The following PARD3 variants were observed in gnomAD, a reference collection of about 807,000 sequenced individuals.
The protein encoded by PARD3 is partitioning defective 3 homolog.
A neutral mutation model predicts 155.4 loss-of-function variants in PARD3; 75 were observed. That is an observed-to-expected ratio of 0.48 (90% CI 0.40 to 0.58). The LOEUF (loss-of-function observed/expected upper bound fraction) is 0.58. PARD3 is among the 20% of genes least tolerant of loss of function. The pLI is 0.00. For synonymous variants in PARD3, 576 were observed against 610.5 expected, an observed-to-expected ratio of 0.94 and a Z score of 0.83; for missense variants, 1,642 against 1,721.7, an observed-to-expected ratio of 0.95 and a Z score of 0.82.
chr10:34,534,676 T>C (rs1204621667), intron 2 of PARD3, among the ~76,000 whole-genome samples: 2 of 152,066 alleles, frequency 1.3e-5, no homozygotes, highest in Admixed American at 6.5e-5. Flanking sequence ...TGCAGAACAG[T>C]AGGGACGGTG....
chr10:34,144,109 T>C (rs764393839), intron 22 of PARD3, among the ~76,000 whole-genome samples: 5 of 152,190 alleles, frequency 3.3e-5, no homozygotes, highest in South Asian at 2.1e-4. Flanking sequence ...TTTGGAGTTA[T>C]TGATAGATTT....
intron 16 of PARD3, among the ~76,000 whole-genome samples, chr10:34,338,674 G>A (rs1427559211): frequency 3.3e-5 from 5 of 152,170 alleles, no homozygotes; most frequent in African/African-American, 4.8e-5. Flanking sequence ...ATTTAGTTGC[G>A]ATTTACTGTG....
intron 22 of PARD3, among the ~76,000 whole-genome samples, chr10:34,249,970 G>A (rs980694505): frequency 6.6e-6 from 1 of 152,060 alleles, no homozygotes; most frequent in East Asian, 1.9e-4. Context: ...CTCATCTGGT[G>A]AGCATGCCAC....
At chr10:34,718,914 G>A (rs892219615) in intron 1 of PARD3, among the ~76,000 whole-genome samples, 1 of 152,022 alleles carries the variant, frequency 6.6e-6, no homozygotes, top group East Asian at 1.9e-4. Flanking sequence ...AGTGAGCCGA[G>A]ATTGAGCCAC....
intron 2 of PARD3, among the ~76,000 whole-genome samples, chr10:34,653,407 G>A (rs975417204): frequency 2.0e-5 from 3 of 151,856 alleles, no homozygotes; most frequent in Non-Finnish European, 4.4e-5. Context: ...ACAAAAACAG[G>A]TTCATCACGT....
intron 23 of PARD3, among the ~76,000 whole-genome samples, chr10:34,127,141 G>T (rs976539971): frequency 1.3e-5 from 2 of 152,010 alleles, no homozygotes; most frequent in African/African-American, 4.8e-5. Context: ...ATCTTATAAA[G>T]AAACCAAAAT....
chr10:34,688,942 G>C (rs183733013), intron 2 of PARD3, among the ~76,000 whole-genome samples: 1 of 152,266 alleles, frequency 6.6e-6, no homozygotes, highest in East Asian at 1.9e-4. Context: ...TACAGAGGCA[G>C]AGCCATTAAA....
chr10:34,388,687 AG>A (rs1842587028), intron 7 of PARD3, among the ~76,000 whole-genome samples: 1 of 152,242 alleles, frequency 6.6e-6, no homozygotes, highest in Non-Finnish European at 1.5e-5. Context: ...TTGGCACGTC[AG>A]TGTGCTGGTA....
In PARD3 at chr10:34,269,882, C is replaced by T. The variant is rs773064385; in HGVS notation, c.3194G>A (p.Arg1065Gln). 8 of 1,613,464 alleles carry T rather than the reference C, an allele frequency of 5.0e-6. No homozygotes were observed. Among genetic ancestry groups the T allele is most frequent in the East Asian group, 4.5e-5 (2 of 44,794 alleles). ...QEQERIQAKT[R>Q]EFRERQARER... ...TCGAGCTTGTCGTTCCCTAAATTCT[C>T]GAGTTTTGGCTTGAATCCTATGAAA... Residue 1065 changes from arginine to glutamine, a missense_variant, in exon 22 of 25, where the codon CGA (arginine) becomes CAA (glutamine). Arg to Gln is a conservative substitution (Grantham distance 43). Transcript: ENST00000374788.
At chr10:34,593,131 T>C (rs1284834735) in intron 2 of PARD3, among the ~76,000 whole-genome samples, 2 of 152,132 alleles carry the variant, frequency 1.3e-5, no homozygotes, top group East Asian at 1.9e-4. Flanking sequence ...AGAGCAGAGC[T>C]AGATATTGCA....
chr10:34,222,390 C>A (rs1048212235), intron 22 of PARD3, among the ~76,000 whole-genome samples: 1 of 152,210 alleles, frequency 6.6e-6, no homozygotes, highest in Non-Finnish European at 1.5e-5. Flanking sequence ...CCTTGCCCTG[C>A]AGAAAGCGGT....
intron 4 of PARD3, among the ~76,000 whole-genome samples, chr10:34,465,599 T>C (rs1167879043): frequency 6.6e-6 from 1 of 152,164 alleles, no homozygotes; most frequent in Non-Finnish European, 1.5e-5. Flanking sequence ...AGGAAGCTAA[T>C]GATGCCAATG....
chr10:34,812,722 G>C (rs967359284), intron 1 of PARD3, among the ~76,000 whole-genome samples: 9 of 152,112 alleles, frequency 5.9e-5, no homozygotes, highest in Non-Finnish European at 1.2e-4. Flanking sequence ...TAAAGAGCAT[G>C]TAAGTGTTGG....
At chr10:34,807,046 A>T (rs1843488688) in intron 1 of PARD3, among the ~76,000 whole-genome samples, 1 of 152,224 alleles carries the variant, frequency 6.6e-6, no homozygotes, top group Admixed American at 6.5e-5. Flanking sequence ...GCACAAAGGT[A>T]GCTGGCGAGC....
At chr10:34,796,877 C>T (rs185649728) in intron 1 of PARD3, among the ~76,000 whole-genome samples, 2 of 152,242 alleles carry the variant, frequency 1.3e-5, no homozygotes, top group East Asian at 3.9e-4. Flanking sequence ...CCCAGCTACT[C>T]GGGAGGCTGA....
At chr10:34,595,339 T>A (rs1202692147) in intron 2 of PARD3, among the ~76,000 whole-genome samples, 1 of 152,186 alleles carries the variant, frequency 6.6e-6, no homozygotes, top group African/African-American at 2.4e-5. Flanking sequence ...ATGGCCTAAG[T>A]ATTTACTGAG....
intron 7 of PARD3, among the ~76,000 whole-genome samples, chr10:34,395,867 A>G (rs1390519820): frequency 6.9e-6 from 1 of 145,984 alleles, no homozygotes; most frequent in Admixed American, 6.9e-5. Flanking sequence ...AAAAAAAAAA[A>G]GAAAAACATC....
chr10:34,640,314 C>T (rs2092629219), intron 2 of PARD3, among the ~76,000 whole-genome samples: 1 of 152,114 alleles, frequency 6.6e-6, no homozygotes, highest in African/African-American at 2.4e-5. Context: ...AAATCATATG[C>T]ACCTTTTAAA....
At chr10:34,434,095 G>A (rs542397417) in intron 5 of PARD3, among the ~76,000 whole-genome samples, 1 of 152,286 alleles carries the variant, frequency 6.6e-6, no homozygotes, top group Admixed American at 6.5e-5. Context: ...GAAGGAGGCA[G>A]GTGGCAGGAG....
Sources: allele counts gnomAD v4.1 joint callset (sites outside exome capture counted in the v4.1 genomes callset), GRCh38; gene constraint gnomAD v4.1.1; transcripts MANE v1.5; gene names NCBI Gene and HGNC (gene_info 2026-07-23, HGNC 2026-07-21).